Variants in ACSM5 observed in about 807,000 individuals in gnomAD.
ACSM5 encodes the protein acyl-CoA synthetase medium chain family member 5, also known as acyl-coenzyme A synthetase ACSM5, mitochondrial.
Under a neutral mutation model 71.6 loss-of-function variants are expected in ACSM5, and 56 were observed. That is an observed-to-expected ratio of 0.78 (90% CI 0.63 to 0.98). ACSM5 has a LOEUF of 0.98. ACSM5 is among the 50% of genes least tolerant of loss of function. The pLI, the probability that ACSM5 is intolerant of heterozygous loss-of-function variation, is 0.00. For synonymous variants in ACSM5, 285 were observed against 281.5 expected, an observed-to-expected ratio of 1.01 and a Z score of -0.12; for missense variants, 723 against 726.0, an observed-to-expected ratio of 1.00 and a Z score of 0.05.
At chr16:20,435,638 G>A (rs7498473) in intron 10 of ACSM5, among the ~76,000 whole-genome samples, 66,511 of 151,882 alleles carry the variant, frequency 0.44, 15,564 homozygotes, top group East Asian at 0.77. Context: ...CAGACCCAGC[G>A]ATTGATACAT....
chr16:20,433,785 C>G (rs1472613179), intron 10 of ACSM5, among the ~76,000 whole-genome samples: 3 of 151,886 alleles, frequency 2.0e-5, no homozygotes, highest in Non-Finnish European at 2.9e-5. Context: ...CTGATCCTCC[C>G]ACCTCAGCCT....
chr16:20,418,914 G>A (rs1367425897), intron 3 of ACSM5, among the ~76,000 whole-genome samples: 2 of 152,136 alleles, frequency 1.3e-5, no homozygotes, highest in African/African-American at 4.8e-5. Context: ...AGGAGGTTAG[G>A]GGGACAGGTC....
In ACSM5 at chr16:20,440,556, G is replaced by A. The variant is rs1476241355; in HGVS notation, c.*129G>A. The A allele has an allele frequency of 7.7e-6, 6 of 783,110 alleles. No homozygotes were observed. Among genetic ancestry groups the A allele is most frequent in the East Asian group, 2.6e-5 (1 of 38,018 alleles). The allele number at this position is 783,110 out of a possible 1,614,324, so 48.5% of individuals were successfully genotyped here. On this transcript the variant is annotated 3_prime_UTR_variant, in exon 14 of 14. Transcript: ENST00000331849. ...TGTCAAAGGTGTGCAGCTTCCAAAC[G>A]GCATCCCCAGGATCACTGGGCAATG... is the stretch of plus-strand genomic sequence containing the variant.
rs748037521 is a variant in ACSM5, at chr16:20,431,206, G to T, written c.1207-14G>T. 2 of 1,612,906 alleles carry T rather than the reference G, an allele frequency of 1.2e-6. No homozygotes were observed. On this transcript the variant is annotated splice_polypyrimidine_tract_variant and intron_variant, in intron 9 of 13. Coordinates refer to ENST00000331849, the MANE Select transcript of ACSM5 (RefSeq NM_017888.3). Reference sequence around the variant, plus strand: ...ACACTCACGTATGCACCTCTGTGATGATTTCCTTACCAGATTGTGGATGAT... The same window carrying T: ...ACACTCACGTATGCACCTCTGTGATTATTTCCTTACCAGATTGTGGATGAT...
intron 3 of ACSM5, 36 bp from the exon 4 acceptor site, chr16:20,419,192 G>C: frequency 6.2e-7 from 1 of 1,608,816 alleles, no homozygotes; most frequent in Non-Finnish European, 8.5e-7. Flanking sequence ...GGCCTTCCCC[G>C]CTATCCACTC....
intron 6 of ACSM5, among the ~76,000 whole-genome samples, chr16:20,425,721 T>C (rs1966966157): frequency 6.6e-6 from 1 of 152,184 alleles, no homozygotes; most frequent in Admixed American, 6.5e-5. Flanking sequence ...AGAATAATAG[T>C]CTACAATCTC....
At chr16:20,420,877 T>C (rs561549335) in intron 4 of ACSM5, among the ~76,000 whole-genome samples, 2 of 152,200 alleles carry the variant, frequency 1.3e-5, no homozygotes, top group South Asian at 2.1e-4. Context: ...CAAAACCCCA[T>C]ATTGGGGGAA....
At chr16:20,410,334 C>G (rs553021593) in intron 1 of ACSM5, among the ~76,000 whole-genome samples, 1 of 152,196 alleles carries the variant, frequency 6.6e-6, no homozygotes, top group Non-Finnish European at 1.5e-5. Flanking sequence ...CTTTAACATG[C>G]ATATGACTCA....
intron 12 of ACSM5, among the ~76,000 whole-genome samples, 160 bp from the exon 13 acceptor site, chr16:20,439,640 G>C (rs1967274446): frequency 6.6e-6 from 1 of 151,454 alleles, no homozygotes; most frequent in African/African-American, 2.4e-5. Flanking sequence ...GCCAGCAAAA[G>C]AAAAATTGAT....
intron 6 of ACSM5, among the ~76,000 whole-genome samples, chr16:20,425,430 A>G (rs558591324): frequency 6.6e-6 from 1 of 151,436 alleles, no homozygotes; most frequent in Non-Finnish European, 1.5e-5. Context: ...TTCTTTTTTT[A>G]AAAAAAAATT....
At chr16:20,435,580 C>T (rs904946166) in intron 10 of ACSM5, among the ~76,000 whole-genome samples, 1 of 152,160 alleles carries the variant, frequency 6.6e-6, no homozygotes, top group Admixed American at 6.5e-5. Context: ...CCACCACAGT[C>T]GAATAGGGAA....
At chr16:20,438,879 C>T (rs565198063) in intron 12 of ACSM5, among the ~76,000 whole-genome samples, 25 of 149,538 alleles carry the variant, frequency 1.7e-4, no homozygotes, top group Admixed American at 1.3e-3. Context: ...GGCGTGAACC[C>T]AGGAGGCAGA....
rs775032894 is a variant in ACSM5, at chr16:20,433,017, C to T, written c.1308+1696C>T. Among the ~76,000 whole-genome samples the T allele has an allele frequency of 5.7e-4, 86 of 151,868 alleles. 1 individual carries two copies. The highest frequency in any genetic ancestry group is 1.9e-4 in the Non-Finnish European group (13 of 67,958). On this transcript the variant is annotated intron_variant, in intron 10 of 13. Transcript: ENST00000331849. ...GGACTACAGGCGCACACCACTTCAC[C>T]GGGGTAATTTTGGTATTTTTAGTAG...
At chr16:20,428,278 G>A (rs911094530) in intron 7 of ACSM5, among the ~76,000 whole-genome samples, 1 of 152,208 alleles carries the variant, frequency 6.6e-6, no homozygotes, top group Non-Finnish European at 1.5e-5. Flanking sequence ...CCTGTGGAGT[G>A]GGGTCTGTGG....
In ACSM5 at chr16:20,437,171, T is replaced by C. The variant is rs1567348679; in HGVS notation, c.1428T>C (p.Asn476=). ...WFMGRNDDVI[N]SSSYRIGPVE... ...TGGGAAGAAACGACGATGTGATCAA[T>C]TCTTCAAGGTCAAGCTGTCTGCACT... The change falls in exon 11 of 14, where the codon AAT becomes AAC. Residue 476 remains asparagine, a synonymous_variant. Transcript: ENST00000331849. 5.0e-6 allele frequency: 8 copies of C among 1,614,086 alleles called. No homozygotes were observed. Among genetic ancestry groups the C allele is most frequent in the Middle Eastern group, 1.6e-4 (1 of 6,082 alleles).
At chr16:20,421,615 CTATATATA>C (rs59443556) in intron 5 of ACSM5, among the ~76,000 whole-genome samples, 48,182 of 105,216 alleles carry the variant, frequency 0.46, 10,870 homozygotes, top group Non-Finnish European at 0.5. Flanking sequence ...TAAATCGTGG[CTATATATA>C]TATATATATA....
At chr16:20,438,103 C>T (rs1345863183) in intron 12 of ACSM5, among the ~76,000 whole-genome samples, 1 of 151,912 alleles carries the variant, frequency 6.6e-6, no homozygotes, top group African/African-American at 2.4e-5. Flanking sequence ...GCTGGGATTA[C>T]AGGCGTGAGT....
intron 1 of ACSM5, 68 bp from the exon 2 acceptor site, chr16:20,411,402 C>G: frequency 7.4e-7 from 1 of 1,349,908 alleles, no homozygotes; most frequent in Non-Finnish European, 1.0e-6. Context: ...CAGGTTTCTC[C>G]TAACCTATGT....
At chr16:20,410,297 G>A (rs534903510) in intron 1 of ACSM5, among the ~76,000 whole-genome samples, 5 of 152,240 alleles carry the variant, frequency 3.3e-5, no homozygotes, top group African/African-American at 9.6e-5. Flanking sequence ...GAGGTCACAC[G>A]CAGCTCCCGG....
Sources: allele counts gnomAD v4.1 joint callset (sites outside exome capture counted in the v4.1 genomes callset), GRCh38; gene constraint gnomAD v4.1.1; transcripts MANE v1.5; gene names NCBI Gene and HGNC (gene_info 2026-07-23, HGNC 2026-07-21).